Variants in CAST observed in about 807,000 individuals in gnomAD.
CAST encodes the protein MIR583 host.
CAST carries 76 observed loss-of-function variants against 119.6 expected under a neutral mutation model. The observed-to-expected ratio is 0.64, with a 90% CI of 0.53 to 0.77. The LOEUF is 0.77. CAST is among the 30% of genes least tolerant of loss of function. The pLI is 0.00. For synonymous variants in CAST, 319 were observed against 331.6 expected (o/e 0.96, Z 0.41); for missense variants, 953 against 946.5 (o/e 1.01, Z -0.09).
intron 6 of CAST, chr5:96,728,602 G>A (rs147851354): frequency 0.026 from 3,964 of 151,770 alleles, 84 homozygotes; most frequent in Non-Finnish European, 0.042. Flanking sequence ...TCCGCCTCCC[G>A]AGTAGCTGGG....
chr5:95,971,012 G>A, the CAST span, among the ~76,000 whole-genome samples: 1 of 152,294 alleles, frequency 6.6e-6, no homozygotes, highest in Admixed American at 6.5e-5. Flanking sequence ...TAATGTTGAT[G>A]ATCTATTATG....
chr5:96,061,025 G>T, the CAST span, among the ~76,000 whole-genome samples: 2 of 151,946 alleles, frequency 1.3e-5, no homozygotes, highest in African/African-American at 4.8e-5. Context: ...TTCTTATAAA[G>T]ACACTAAAAC....
chr5:96,420,729 G>A, the CAST span, among the ~76,000 whole-genome samples: 1 of 132,902 alleles, frequency 7.5e-6, no homozygotes, highest in Non-Finnish European at 1.6e-5. Context: ...TTCTGAGGGA[G>A]AATAAGGAAG....
the CAST span, among the ~76,000 whole-genome samples, chr5:96,033,417 A>G: frequency 1.3e-5 from 2 of 152,202 alleles, no homozygotes; most frequent in East Asian, 1.9e-4. Context: ...AAGGTATGGT[A>G]ACCAAAACAG....
chr5:96,399,051 G>C, the CAST span: 1 of 1,587,776 alleles, frequency 6.3e-7, no homozygotes, highest in Non-Finnish European at 8.6e-7. Flanking sequence ...ATACATTAAA[G>C]AATCAGCATT....
At chr5:96,726,986 G>T in intron 5 of CAST, 127 bp downstream of exon 5, 1 of 669,110 alleles carries the variant, frequency 1.5e-6, no homozygotes, top group African/African-American at 1.8e-5. Flanking sequence ...ACTTTCTGTA[G>T]GCTTAGCTGC....
the CAST span, among the ~76,000 whole-genome samples, chr5:96,349,076 ATATTC>A: frequency 1.6e-3 from 240 of 148,134 alleles, no homozygotes; most frequent in Non-Finnish European, 2.9e-3. Flanking sequence ...AACCAACAAA[ATATTC>A]TATAATTTTT....
At chr5:96,355,885 A>T in the CAST span, among the ~76,000 whole-genome samples, 26 of 152,144 alleles carry the variant, frequency 1.7e-4, no homozygotes, top group Admixed American at 2.6e-4. Flanking sequence ...TATTTTTAGT[A>T]TAGATGGGGT....
At chr5:96,560,563 A>G (rs1182951458) in intron 1 of CAST, among the ~76,000 whole-genome samples, 1 of 152,260 alleles carries the variant, frequency 6.6e-6, no homozygotes, top group East Asian at 1.9e-4. Context: ...ACACTTCTCA[A>G]AAGAAGACAT....
rs142231481 is a variant in CAST, at chr5:96,634,125, G to A, written c.61-41414G>A. On this transcript the variant is annotated intron_variant, in intron 1 of 11. Coordinates refer to the CAST transcript ENST00000505143. The stretch of plus-strand genomic sequence containing the variant: ...TGGTTGTGCTGACTGACGACATAAC[G>A]TACTTACTAATCTTCTGTAAGTATA... 9.7e-3 allele frequency among the ~76,000 whole-genome samples: 1,480 copies of A among 152,260 alleles called. 25 individuals are homozygous for A. Among genetic ancestry groups the A allele is most frequent in the African/African-American group, 0.034 (1,404 of 41,542 alleles).
intron 1 of CAST, among the ~76,000 whole-genome samples, chr5:96,577,500 T>G (rs1467341492): frequency 6.6e-6 from 1 of 152,122 alleles, no homozygotes; most frequent in Non-Finnish European, 1.5e-5. Flanking sequence ...TTTTCCTTGT[T>G]TTTAATGTAA....
At chr5:96,052,978 C>T in the CAST span, among the ~76,000 whole-genome samples, 171 of 152,232 alleles carry the variant, frequency 1.1e-3, 2 homozygotes, top group Admixed American at 8.1e-3. Flanking sequence ...AGTGGTATGG[C>T]GACCCAGAGA....
chr5:96,191,363 T>C, the CAST span, among the ~76,000 whole-genome samples: 1 of 152,222 alleles, frequency 6.6e-6, no homozygotes, highest in East Asian at 1.9e-4. Context: ...GTACTTTACA[T>C]ATATTAATTC....
the CAST span, among the ~76,000 whole-genome samples, chr5:96,291,074 A>C: frequency 6.6e-6 from 1 of 152,236 alleles, no homozygotes; most frequent in Non-Finnish European, 1.5e-5. Context: ...CAAGGTGAAC[A>C]TACTAGCCAT....
At chr5:96,413,052 G>C in the CAST span, 2 of 653,348 alleles carry the variant, frequency 3.1e-6, no homozygotes, top group Non-Finnish European at 3.8e-6. Context: ...AAAAGATCTA[G>C]TCACAACAGG....
chr5:96,009,879 A>C, the CAST span, among the ~76,000 whole-genome samples: 4 of 152,120 alleles, frequency 2.6e-5, no homozygotes, highest in Non-Finnish European at 5.9e-5. Flanking sequence ...GGTCGATGTC[A>C]AGAAGAGTAT....
intron 3 of CAST, among the ~76,000 whole-genome samples, chr5:96,699,068 T>C (rs972674663): frequency 1.3e-5 from 2 of 152,252 alleles, no homozygotes. Context: ...ATTTTTCTAA[T>C]TCAAAATAAT....
chr5:96,750,662 C>T lies in CAST; in HGVS notation c.1504C>T (p.Pro502Ser). 3 of 1,612,246 alleles carry T rather than the reference C, an allele frequency of 1.9e-6. No individual in the cohort carries two copies. The highest frequency in any genetic ancestry group is 2.5e-6 in the Non-Finnish European group (3 of 1,178,536). Residue 502 changes from proline (P) to serine (S), a missense_variant, in exon 20 of 32, where the codon CCC becomes TCC. Coordinates refer to ENST00000675179, the MANE Select transcript of CAST (RefSeq NM_001750.7). Reference sequence around the variant, plus strand: ...CTCCATGTGTAGTATACAGTCAGCACCCCCTGAGCCGGCTACCTTGGTGAG... The same window carrying T: ...CTCCATGTGTAGTATACAGTCAGCATCCCCTGAGCCGGCTACCTTGGTGAG... The part of the protein sequence containing the change: ...RTSMCSIQSA[P>S]PEPATLKGTV...
the CAST span, among the ~76,000 whole-genome samples, chr5:95,998,294 T>A: frequency 6.6e-6 from 1 of 152,084 alleles, no homozygotes; most frequent in East Asian, 1.9e-4. Flanking sequence ...GGGATACAAG[T>A]GTAGATTTCT....
Sources: gnomAD v4.1 joint callset for allele counts (sites outside exome capture counted in the v4.1 genomes callset) on GRCh38, gnomAD v4.1.1 for gene constraint, MANE v1.5 for transcripts, NCBI Gene and HGNC (gene_info 2026-07-23, HGNC 2026-07-21) for gene names.